The following ZNF831 variants were observed in gnomAD, a reference collection of about 807,000 sequenced individuals.
ZNF831 encodes chromosome 20 open reading frame 174.
Under a neutral mutation model 95.8 loss-of-function variants are expected in ZNF831, and 59 were observed. That is an observed-to-expected ratio of 0.62 (90% CI 0.50 to 0.77). ZNF831 has a LOEUF of 0.77. Among genes scored for constraint, ZNF831 ranks in the 30% least tolerant of loss-of-function variants. ZNF831 has a pLI of 0.00. For missense variants in ZNF831, 2,205 were observed against 2,164.0 expected (o/e 1.02, Z -0.38); for synonymous variants, 961 against 925.5 (o/e 1.04, Z -0.70).
chr20:59,126,065 C>T (rs1374949839), intron 1 of ZNF831, among the ~76,000 whole-genome samples: 1 of 152,132 alleles, frequency 6.6e-6, no homozygotes, highest in Non-Finnish European at 1.5e-5. Context: ...ACGTCCCCGG[C>T]TGGCAGAACA....
rs1490870478 is a variant in ZNF831 at position 59,251,140 on chromosome 20, T to G, written c.4028-1838T>G. On this transcript the variant is annotated intron_variant, in intron 4 of 5. Coordinates refer to ENST00000371030, the MANE Select transcript of ZNF831 (RefSeq NM_178457.3). ...TAGCCAACCTACAATGTGTGTATAT[T>G]TCAAAACAATGCATTGTACATGAGG... Among the ~76,000 whole-genome samples, 3 of 152,218 alleles carry G rather than the reference T, an allele frequency of 2.0e-5. No homozygotes were observed. The East Asian group carries it at 5.8e-4, about 29-fold the overall frequency.
chr20:59,182,765 T>G (rs993964647), intron 1 of ZNF831, among the ~76,000 whole-genome samples: 1 of 152,212 alleles, frequency 6.6e-6, no homozygotes, highest in Non-Finnish European at 1.5e-5. Flanking sequence ...AGGCAAAACA[T>G]ATTTTGTCAC....
intron 1 of ZNF831, among the ~76,000 whole-genome samples, chr20:59,141,480 T>C (rs1647555427): frequency 6.6e-6 from 1 of 152,242 alleles, no homozygotes; most frequent in Admixed American, 6.5e-5. Context: ...AGATTATCCT[T>C]ACTCCGTTAA....
rs1600658700 is a variant in ZNF831, at chr20:59,228,520, C to T, written c.4027+21464C>T. 2.0e-5 allele frequency among the ~76,000 whole-genome samples: 3 copies of T among 152,072 alleles called. No individual in the cohort carries two copies. The South Asian group carries it at 6.2e-4, about 32-fold the overall frequency. On this transcript the variant is annotated intron_variant, in intron 4 of 5. Transcript: ENST00000371030. ...AGACCAGCCAGTGGGTGTAGAAGAC[C>T]AGCCAATGGGAACATCCTAGGCCTA...
chr20:59,181,194 A>G (rs1163060690), intron 1 of ZNF831, among the ~76,000 whole-genome samples: 3 of 152,212 alleles, frequency 2.0e-5, no homozygotes, highest in African/African-American at 4.8e-5. Context: ...GTATCTGTTC[A>G]TATCCTTCGC....
intron 2 of ZNF831, among the ~76,000 whole-genome samples, chr20:59,148,537 G>A (rs961704589): frequency 5.0e-5 from 7 of 139,002 alleles, no homozygotes; most frequent in South Asian, 4.5e-4. Context: ...AAAATTAGCC[G>A]GGCATGGTGG....
chr20:59,217,468 C>T lies in ZNF831; in HGVS notation c.4027+10412C>T, dbSNP rs1985772578. On this transcript the variant is annotated intron_variant, in intron 4 of 5. Coordinates refer to ENST00000371030, the MANE Select transcript of ZNF831 (RefSeq NM_178457.3). This position sits in a 1 kb window ranked among gnomAD's most constrained non-coding sequence, Gnocchi z 4.4. The stretch of plus-strand genomic sequence containing the variant: ...GGCAGGGTTTGCTCTAGGGAATAAC[C>T]AAGAAGAGAAATTGCTGGGTCTTTG... 2.0e-5 allele frequency among the ~76,000 whole-genome samples: 3 copies of T among 152,212 alleles called. No homozygotes were observed. The highest frequency in any genetic ancestry group is 7.2e-5 in the African/African-American group (3 of 41,446).
At chr20:59,133,400 C>T (rs1388741474) in intron 1 of ZNF831, among the ~76,000 whole-genome samples, 3 of 151,872 alleles carry the variant, frequency 2.0e-5, no homozygotes, top group African/African-American at 7.3e-5. Context: ...GCTTGTTTTT[C>T]CAGTAGGAAA....
chr20:59,143,732 C>A (rs1226574562), intron 1 of ZNF831, among the ~76,000 whole-genome samples: 1 of 152,222 alleles, frequency 6.6e-6, no homozygotes, highest in Non-Finnish European at 1.5e-5. Context: ...TCAGTCTGAA[C>A]TTTAACTTCA....
intron 4 of ZNF831, among the ~76,000 whole-genome samples, chr20:59,210,547 G>C (rs1271406056): frequency 6.6e-6 from 1 of 152,204 alleles, no homozygotes; most frequent in Non-Finnish European, 1.5e-5. Flanking sequence ...GTGTTCCATG[G>C]AAGTTGGCAC....
At chr20:59,204,677 G>A (rs1254880719) in intron 3 of ZNF831, among the ~76,000 whole-genome samples, 3 of 152,188 alleles carry the variant, frequency 2.0e-5, no homozygotes, top group African/African-American at 7.2e-5. Context: ...TTCCCTGAGA[G>A]AGCCTGACAA....
At chr20:59,241,176 A>AC (rs1411768027) in intron 4 of ZNF831, among the ~76,000 whole-genome samples, 1 of 152,138 alleles carries the variant, frequency 6.6e-6, no homozygotes, top group Non-Finnish European at 1.5e-5. Context: ...CCTCTTTGCT[A>AC]CCCCACGTCT....
At chr20:59,189,410 G>A (rs73309027) in intron 1 of ZNF831, among the ~76,000 whole-genome samples, 7,580 of 152,244 alleles carry the variant, frequency 0.05, 532 homozygotes, top group African/African-American at 0.15. Context: ...GCTGGCTTGC[G>A]CAATTTTTGA....
chr20:59,126,754 C>A (rs921393270), intron 1 of ZNF831, among the ~76,000 whole-genome samples: 2 of 152,238 alleles, frequency 1.3e-5, no homozygotes, highest in East Asian at 1.9e-4. Context: ...CTTGGTCACT[C>A]TCCTTTTCTG....
rs762223170 is a variant in ZNF831 at position 59,254,733 on chromosome 20, T to C, written c.5024T>C (p.Ile1675Thr). 6.2e-7 allele frequency: 1 copy of C among 1,601,874 alleles called. No homozygotes were observed. Among genetic ancestry groups the C allele is most frequent in the South Asian group, 1.1e-5 (1 of 89,512 alleles). ...AGCGACGATGAAGACCGATTAGTTATAGAAATATGAAGCTTCCAGAGAAAC... is the reference window on the plus strand; with the variant it reads ...AGCGACGATGAAGACCGATTAGTTACAGAAATATGAAGCTTCCAGAGAAAC... ...TSSDDEDRLV[I>T]EI Residue 1675 changes from isoleucine (I) to threonine (T), a missense_variant, in exon 6 of 6, where the codon ATA (isoleucine) becomes ACA (threonine). Transcript: ENST00000371030. This position sits in a 1 kb window ranked among gnomAD's most constrained non-coding sequence, Gnocchi z 4.5.
In ZNF831 at chr20:59,193,665, C is replaced by T; in HGVS notation, c.2646C>T (p.Ser882=). 1 of 1,613,022 alleles carries T rather than the reference C, an allele frequency of 6.2e-7. No homozygotes were observed. The highest frequency in any genetic ancestry group is 8.5e-7 in the Non-Finnish European group (1 of 1,179,788). The change falls in exon 2 of 6, where the codon TCC becomes TCT. Residue 882 remains serine, a synonymous_variant. Transcript: ENST00000371030. ...SARQVGEPLE[S]SGASLAAASV... Reference sequence around the variant, plus strand: ...GGCAGGTGGGCGAGCCTCTGGAGTCCTCTGGAGCCTCCTTGGCTGCTGCTT... The same window carrying T: ...GGCAGGTGGGCGAGCCTCTGGAGTCTTCTGGAGCCTCCTTGGCTGCTGCTT...
chr20:59,139,496 C>G (rs1185941089), intron 1 of ZNF831, among the ~76,000 whole-genome samples: 1 of 152,132 alleles, frequency 6.6e-6, no homozygotes, highest in East Asian at 1.9e-4. Flanking sequence ...GCTATTCAGG[C>G]CATGACACAG....
At chr20:59,186,916 T>C (rs1188184052) in intron 1 of ZNF831, among the ~76,000 whole-genome samples, 1 of 150,642 alleles carries the variant, frequency 6.6e-6, no homozygotes, top group African/African-American at 2.4e-5. Flanking sequence ...GATGTGCTGG[T>C]AAATGTTGAG....
At chr20:59,246,075 G>A (rs981353918) in intron 4 of ZNF831, among the ~76,000 whole-genome samples, 10 of 152,188 alleles carry the variant, frequency 6.6e-5, no homozygotes, top group African/African-American at 2.2e-4. Context: ...TCACGGGCCT[G>A]GGCCAGCTCA....
Sources: gnomAD v4.1 joint callset for allele counts (sites outside exome capture counted in the v4.1 genomes callset) on GRCh38, gnomAD v4.1.1 for gene constraint, Gnocchi (gnomAD v3.1) non-coding constraint, MANE v1.5 for transcripts, NCBI Gene and HGNC (gene_info 2026-07-23, HGNC 2026-07-21) for gene names.